Variants in SIPA1L1 observed in about 807,000 individuals in gnomAD.
SIPA1L1 encodes the protein signal induced proliferation associated 1 like 1.
In SIPA1L1, 26 loss-of-function variants were observed where a neutral mutation model predicts 162.7. The ratio of observed to expected loss-of-function variants is 0.16; its 90% CI spans 0.12 to 0.22. The LOEUF (loss-of-function observed/expected upper bound fraction) is 0.22, where lower values mean the gene tolerates loss of function less well. Among genes scored for constraint, SIPA1L1 ranks in the 10% least tolerant of loss-of-function variants. SIPA1L1 has a pLI of 1.00. For missense variants in SIPA1L1, 1,874 were observed against 2,241.0 expected, an observed-to-expected ratio of 0.84 and a Z score of 3.31; for synonymous variants, 829 against 837.4, an observed-to-expected ratio of 0.99 and a Z score of 0.17.
At chr14:71,654,274 G>T (rs1220788238) in intron 8 of SIPA1L1, among the ~76,000 whole-genome samples, 1 of 152,056 alleles carries the variant, frequency 6.6e-6, no homozygotes, top group Admixed American at 6.6e-5. Flanking sequence ...TTTAATAGGG[G>T]ATTTTTCCTT....
intron 4 of SIPA1L1, among the ~76,000 whole-genome samples, chr14:71,580,328 C>T (rs990142304): frequency 7.2e-5 from 11 of 152,130 alleles, no homozygotes; most frequent in African/African-American, 1.4e-4. Context: ...ACAGAATATA[C>T]GTAGGAAAGT....
chr14:71,397,650 G>T (rs762805300), intron 2 of SIPA1L1, among the ~76,000 whole-genome samples: 3 of 152,142 alleles, frequency 2.0e-5, no homozygotes, highest in Non-Finnish European at 4.4e-5. Flanking sequence ...AAACTTCATG[G>T]AATCCTTCCA....
chr14:71,672,196 A>G, intron 11 of SIPA1L1, 152 bp from the exon 12 acceptor site: 1 of 723,072 alleles, frequency 1.4e-6, no homozygotes, highest in Non-Finnish European at 2.3e-6. Flanking sequence ...CCTAATGAAT[A>G]GGAGATTAGT....
chr14:71,496,714 G>A (rs1324647700), intron 2 of SIPA1L1, among the ~76,000 whole-genome samples: 1 of 147,394 alleles, frequency 6.8e-6, no homozygotes, highest in Non-Finnish European at 1.5e-5. Flanking sequence ...AATTATTAAT[G>A]AATTGTCTCT....
intron 2 of SIPA1L1, among the ~76,000 whole-genome samples, chr14:71,383,023 A>G (rs7152842): frequency 0.22 from 33,906 of 152,060 alleles, 3,965 homozygotes; most frequent in Middle Eastern, 0.37. Flanking sequence ...GTCTTACTAG[A>G]TGGGACTTGA....
intron 3 of SIPA1L1, among the ~76,000 whole-genome samples, chr14:71,523,382 CAG>C (rs1335427351): frequency 6.6e-6 from 1 of 151,298 alleles, no homozygotes; most frequent in Admixed American, 6.6e-5. Context: ...GACATAATCT[CAG>C]AGTTTAAAAA....
intron 2 of SIPA1L1, among the ~76,000 whole-genome samples, chr14:71,337,815 G>A (rs1280230613): frequency 6.6e-6 from 1 of 152,138 alleles, no homozygotes; most frequent in Non-Finnish European, 1.5e-5. Flanking sequence ...GCATGGTGAT[G>A]CATGCCTGTA....
intron 13 of SIPA1L1, among the ~76,000 whole-genome samples, chr14:71,695,872 T>G (rs1192479212): frequency 6.6e-6 from 1 of 152,258 alleles, no homozygotes; most frequent in Non-Finnish European, 1.5e-5. Context: ...TATATTTGGA[T>G]TCACGTCATT....
intron 19 of SIPA1L1, among the ~76,000 whole-genome samples, chr14:71,725,561 A>G (rs1419112359): frequency 1.3e-5 from 2 of 152,160 alleles, no homozygotes; most frequent in Non-Finnish European, 2.9e-5. Context: ...CCAGACCTTT[A>G]TGTGACCACA....
chr14:71,730,407 T>A, intron 20 of SIPA1L1, 106 bp downstream of exon 20: 1 of 1,283,250 alleles, frequency 7.8e-7, no homozygotes, highest in Non-Finnish European at 1.1e-6. Flanking sequence ...GTATCCATGC[T>A]CAGATGGTCT....
chr14:71,500,240 C>T (rs1194617546), intron 2 of SIPA1L1, among the ~76,000 whole-genome samples: 1 of 152,114 alleles, frequency 6.6e-6, no homozygotes, highest in Non-Finnish European at 1.5e-5. Context: ...ATACATCCAA[C>T]AGAGCACTCA....
chr14:71,380,351 C>T (rs1454745934), intron 2 of SIPA1L1, among the ~76,000 whole-genome samples: 1 of 152,184 alleles, frequency 6.6e-6, no homozygotes, highest in East Asian at 1.9e-4. Flanking sequence ...CTCATAACTT[C>T]TTCATATCCC....
At chr14:71,567,140 G>A (rs2030806114) in intron 4 of SIPA1L1, among the ~76,000 whole-genome samples, 1 of 152,148 alleles carries the variant, frequency 6.6e-6, no homozygotes, top group African/African-American at 2.4e-5. Flanking sequence ...GCAGCAAGCA[G>A]GGCCCCCCAC....
At chr14:71,421,117 A>G (rs2043158117) in intron 2 of SIPA1L1, among the ~76,000 whole-genome samples, 1 of 152,140 alleles carries the variant, frequency 6.6e-6, no homozygotes, top group Non-Finnish European at 1.5e-5. Flanking sequence ...GTGATCAAAG[A>G]TATGTTTTAA....
intron 5 of SIPA1L1, among the ~76,000 whole-genome samples, chr14:71,601,919 T>TC (rs1251770168): frequency 4.6e-5 from 7 of 152,114 alleles, no homozygotes; most frequent in Non-Finnish European, 8.8e-5. Flanking sequence ...GTCTTTTTTT[T>TC]CATTTCTGAT....
chr14:71,383,475 CTGCCTTTGAAA>C (rs1382565278), intron 2 of SIPA1L1, among the ~76,000 whole-genome samples: 1 of 152,212 alleles, frequency 6.6e-6, no homozygotes, highest in Non-Finnish European at 1.5e-5. Flanking sequence ...CCATGCGTTA[CTGCCTTTGAAA>C]TGCCTTTTTC....
At position 71,588,597 on chromosome 14, in the gene SIPA1L1, A is replaced by G; in HGVS notation, c.725A>G (p.Lys242Arg). 1 of 1,614,046 alleles carries G rather than the reference A, an allele frequency of 6.2e-7. No homozygotes were observed. Among genetic ancestry groups the G allele is most frequent in the Non-Finnish European group, 8.5e-7 (1 of 1,179,968 alleles). ...DKSDRGPTPT[K>R]LSDFLITGGG... ...TCTGATCGAGGTCCAACTCCAACCA[A>G]GCTCAGTGACTTTCTCATTACTGGT... The change falls in exon 5 of 24, where the codon AAG becomes AGG. Residue 242 changes from lysine to arginine, a missense_variant. Transcript: ENST00000381232. The surrounding 1 kb of genome is among the most constrained non-coding windows in gnomAD (Gnocchi z 4.3).
intron 19 of SIPA1L1, 75 bp from the exon 20 acceptor site, chr14:71,729,980 C>T (rs2084611455): frequency 1.3e-6 from 2 of 1,530,662 alleles, no homozygotes; most frequent in Non-Finnish European, 1.8e-6. Context: ...TTGGTTATCC[C>T]ACCCTCCCCC....
chr14:71,467,172 A>G (rs1405518508), intron 2 of SIPA1L1: 1 of 152,176 alleles, frequency 6.6e-6, no homozygotes, highest in Non-Finnish European at 1.5e-5. Flanking sequence ...CTGTGAGCCA[A>G]CATTGTATGT....
Sources: allele counts gnomAD v4.1 joint callset (sites outside exome capture counted in the v4.1 genomes callset), GRCh38; gene constraint gnomAD v4.1.1; non-coding constraint Gnocchi (gnomAD v3.1); transcripts MANE v1.5; gene names NCBI Gene and HGNC (gene_info 2026-07-23, HGNC 2026-07-21).